Variants in STXBP5 observed in about 807,000 individuals in gnomAD.
The protein encoded by STXBP5 is syntaxin-binding protein 5.
In STXBP5, 50 loss-of-function variants were observed where a neutral mutation model predicts 152.4. The ratio of observed to expected loss-of-function variants is 0.33; its 90% CI spans 0.26 to 0.42. The LOEUF (loss-of-function observed/expected upper bound fraction) is 0.42, where lower values mean the gene tolerates loss of function less well. STXBP5 is among the 10% of genes least tolerant of loss of function. The probability of loss-of-function intolerance (pLI) is 1.00; values close to 1 mark genes in which losing one functional copy is unlikely to be tolerated. For missense variants in STXBP5, 1,167 were observed against 1,388.6 expected (o/e 0.84, Z 2.54); for synonymous variants, 492 against 494.7 (o/e 0.99, Z 0.07).
chr6:147,236,345 A>G (rs906247120), intron 3 of STXBP5, among the ~76,000 whole-genome samples: 1 of 152,182 alleles, frequency 6.6e-6, no homozygotes, highest in Non-Finnish European at 1.5e-5. Context: ...AAGTTGTCGA[A>G]GCCATATATG....
chr6:147,230,474 G>T (rs1019161538), intron 2 of STXBP5, among the ~76,000 whole-genome samples: 1 of 151,830 alleles, frequency 6.6e-6, no homozygotes, highest in African/African-American at 2.4e-5. Flanking sequence ...TCTAATTGGT[G>T]TATGATGTTC....
chr6:147,375,592 TAGGA>T (rs1785771555), intron 26 of STXBP5, among the ~76,000 whole-genome samples: 1 of 151,190 alleles, frequency 6.6e-6, no homozygotes, highest in Non-Finnish European at 1.5e-5. Context: ...AAGAAGGAAA[TAGGA>T]AGGACTGCAA....
intron 19 of STXBP5, among the ~76,000 whole-genome samples, chr6:147,335,861 G>A (rs1369389600): frequency 6.6e-6 from 1 of 152,050 alleles, no homozygotes; most frequent in East Asian, 1.9e-4. Flanking sequence ...TCTCAAAACA[G>A]AGAAACTCAA....
Position 147,323,475 on chromosome 6 carries a change from G to T in STXBP5, c.1803-1484G>T, listed in dbSNP as rs377433770. 1.1e-3 allele frequency among the ~76,000 whole-genome samples: 159 copies of T among 151,270 alleles called. 6 individuals are homozygous for T. In the South Asian group the frequency reaches 0.028, roughly 27 times the overall value. ...GGTGCCATCTCAGCCCACTGCAACCGCTGCCTCCCAGGTTCAGGCGATTCT... is the reference window on the plus strand; with the variant it reads ...GGTGCCATCTCAGCCCACTGCAACCTCTGCCTCCCAGGTTCAGGCGATTCT... On this transcript the variant is annotated intron_variant, in intron 16 of 27. Coordinates refer to ENST00000321680, the MANE Select transcript of STXBP5 (RefSeq NM_001127715.4).
chr6:147,368,169 A>G (rs906749070), intron 25 of STXBP5, among the ~76,000 whole-genome samples: 3 of 152,140 alleles, frequency 2.0e-5, no homozygotes, highest in African/African-American at 7.2e-5. Flanking sequence ...GGAAGCATTA[A>G]CCTGATAACA....
intron 16 of STXBP5, among the ~76,000 whole-genome samples, chr6:147,321,585 T>TA (rs1782938653): frequency 6.6e-6 from 1 of 152,052 alleles, no homozygotes; most frequent in South Asian, 2.1e-4. Context: ...AAAAAAGAGG[T>TA]AAAAAAGAAA....
intron 21 of STXBP5, among the ~76,000 whole-genome samples, chr6:147,347,898 A>G (rs1784410473): frequency 1.3e-5 from 2 of 152,224 alleles, no homozygotes; most frequent in African/African-American, 4.8e-5. Flanking sequence ...TATACAAAGG[A>G]TGATATCAGA....
chr6:147,306,049 T>C (rs1237310787), intron 9 of STXBP5, among the ~76,000 whole-genome samples: 3 of 152,180 alleles, frequency 2.0e-5, no homozygotes, highest in Non-Finnish European at 4.4e-5. Context: ...TGCAGAACAA[T>C]TATTAAAATG....
chr6:147,295,577 T>G (rs1781476877), intron 9 of STXBP5, among the ~76,000 whole-genome samples: 1 of 152,176 alleles, frequency 6.6e-6, no homozygotes, highest in Admixed American at 6.5e-5. Context: ...CAACCCAGGA[T>G]GACGGCATAG....
chr6:147,241,582 A>T (rs1486337090), intron 4 of STXBP5, among the ~76,000 whole-genome samples: 1 of 152,186 alleles, frequency 6.6e-6, no homozygotes. Flanking sequence ...GTCCCAAAAG[A>T]TTATAATGGA....
chr6:147,223,742 G>C (rs1253633197), intron 2 of STXBP5, among the ~76,000 whole-genome samples: 2 of 152,076 alleles, frequency 1.3e-5, no homozygotes, highest in African/African-American at 4.8e-5. Flanking sequence ...GTAATTTTTT[G>C]TTTTTTAAAT....
At chr6:147,324,167 T>C (rs538827900) in intron 16 of STXBP5, among the ~76,000 whole-genome samples, 5 of 152,046 alleles carry the variant, frequency 3.3e-5, no homozygotes, top group African/African-American at 9.6e-5. Flanking sequence ...CACACACAAA[T>C]TGCTCATATT....
rs558840405 is a variant in STXBP5 at position 147,310,918 on chromosome 6, A to G, written c.1073-537A>G. ...CAATGTCTAGACTGGTATTTGACCAAACAGCTGGGGGCACCATATTATAGA... is the reference window on the plus strand; with the variant it reads ...CAATGTCTAGACTGGTATTTGACCAGACAGCTGGGGGCACCATATTATAGA... On this transcript the variant is annotated intron_variant, in intron 10 of 27. Coordinates refer to ENST00000321680, the MANE Select transcript of STXBP5 (RefSeq NM_001127715.4). 4.6e-5 allele frequency among the ~76,000 whole-genome samples: 7 copies of G among 152,266 alleles called. No homozygotes were observed. The East Asian group carries it at 1.3e-3, about 29-fold the overall frequency.
intron 9 of STXBP5, among the ~76,000 whole-genome samples, chr6:147,299,838 A>G (rs182071307): frequency 6.6e-6 from 1 of 152,102 alleles, no homozygotes; most frequent in Admixed American, 6.6e-5. Flanking sequence ...TAAGCAAGAC[A>G]AAGCCATCCA....
At chr6:147,327,722 G>A (rs759521040) in intron 18 of STXBP5, among the ~76,000 whole-genome samples, 9 of 152,178 alleles carry the variant, frequency 5.9e-5, no homozygotes, top group African/African-American at 4.8e-5. Context: ...GATTACAGGC[G>A]TGAGGCACCA....
chr6:147,260,794 A>G lies in STXBP5; in HGVS notation c.566+45A>G. 1.9e-6 allele frequency: 3 copies of G among 1,593,114 alleles called. No individual in the cohort carries two copies. In the Admixed American group the frequency reaches 5.3e-5, roughly 28 times the overall value. ...TTGTATCTGAAAGCATCAGTTCTAT[A>G]TATAATAATACCGTTACATCATAGC... is the stretch of plus-strand genomic sequence containing the variant. On this transcript the variant is annotated intron_variant, in intron 5 of 27. Coordinates refer to ENST00000321680, the MANE Select transcript of STXBP5 (RefSeq NM_001127715.4).
chr6:147,320,460 A>C (rs144779993), intron 16 of STXBP5, among the ~76,000 whole-genome samples: 1,638 of 152,178 alleles, frequency 0.011, 9 homozygotes, highest in Middle Eastern at 0.024. Context: ...CATTCCTGGG[A>C]TAGAGTTAGA....
intron 2 of STXBP5, among the ~76,000 whole-genome samples, chr6:147,212,805 A>C (rs1488510062): frequency 6.6e-6 from 1 of 152,222 alleles, no homozygotes. Flanking sequence ...GAACTAACAC[A>C]AATGTCTTTC....
intron 4 of STXBP5, among the ~76,000 whole-genome samples, chr6:147,254,475 G>A (rs1474839469): frequency 1.3e-5 from 2 of 152,202 alleles, no homozygotes; most frequent in Non-Finnish European, 2.9e-5. Context: ...CTTCTGCAGA[G>A]CAAAAGAAAC....
Sources: gnomAD v4.1 joint callset for allele counts (sites outside exome capture counted in the v4.1 genomes callset) on GRCh38, gnomAD v4.1.1 for gene constraint, MANE v1.5 for transcripts, NCBI Gene and HGNC (gene_info 2026-07-23, HGNC 2026-07-21) for gene names.